Variants in SHANK2 observed in about 807,000 individuals in gnomAD.
The protein encoded by SHANK2 is SH3 and multiple ankyrin repeat domains protein 2.
Under a neutral mutation model 133.7 loss-of-function variants are expected in SHANK2, and 43 were observed. The observed-to-expected ratio is 0.32, with a 90% CI of 0.25 to 0.41. The LOEUF is 0.41. SHANK2 is among the 10% of genes least tolerant of loss of function. The pLI, the probability that SHANK2 is intolerant of heterozygous loss-of-function variation, is 1.00. For synonymous variants in SHANK2, 1,017 were observed against 952.8 expected (o/e 1.07, Z -1.24); for missense variants, 1,994 against 2,235.8 (o/e 0.89, Z 2.18).
At chr11:70,586,107 A>G (rs1399958358) in intron 17 of SHANK2, among the ~76,000 whole-genome samples, 4 of 152,150 alleles carry the variant, frequency 2.6e-5, no homozygotes, top group Non-Finnish European at 5.9e-5. Flanking sequence ...GGAGAATCGC[A>G]CAGGTGCCTG....
intron 14 of SHANK2, among the ~76,000 whole-genome samples, chr11:70,702,667 G>C (rs1241641969): frequency 6.6e-6 from 1 of 152,210 alleles, no homozygotes; most frequent in Admixed American, 6.5e-5. Context: ...CTACTGTCAA[G>C]TGTGGAATGC....
chr11:70,834,420 C>G (rs1555059452), intron 11 of SHANK2, among the ~76,000 whole-genome samples: 1 of 152,222 alleles, frequency 6.6e-6, no homozygotes, highest in African/African-American at 2.4e-5. Flanking sequence ...CCAAGCTCCA[C>G]TTTATCTTGC....
In SHANK2 at chr11:71,113,775, C is replaced by T. The variant is rs148331170; in HGVS notation, c.412-411G>A. On this transcript the variant is annotated intron_variant, in intron 4 of 25. Coordinates refer to ENST00000601538, the MANE Select transcript of SHANK2 (RefSeq NM_012309.5). ...CACCAGGTTTTTCTCCTACATTGTCCACCTTTGTTAAAACACACCCTAAAA... is the reference window on the plus strand; with the variant it reads ...CACCAGGTTTTTCTCCTACATTGTCTACCTTTGTTAAAACACACCCTAAAA... Among the ~76,000 whole-genome samples, 1,101 of 152,276 alleles carry T rather than the reference C, an allele frequency of 7.2e-3. 6 individuals carry two copies. The highest frequency in any genetic ancestry group is 0.041 in the Middle Eastern group (12 of 294).
chr11:70,616,692 G>C (rs1411356857), intron 17 of SHANK2, among the ~76,000 whole-genome samples: 1 of 152,170 alleles, frequency 6.6e-6, no homozygotes, highest in Non-Finnish European at 1.5e-5. Flanking sequence ...GGGATCTGAG[G>C]CCTCCGGAGG....
In SHANK2 at chr11:71,163,093, A is replaced by AAACATATATATATATATAT; in HGVS notation, c.-12-15756_-12-15755insATATATATATATATATGTT. On this transcript the variant is annotated intron_variant, in intron 2 of 25. Coordinates refer to ENST00000601538, the MANE Select transcript of SHANK2 (RefSeq NM_012309.5). ...GTCTAAAAAAAAAAAAAAAAAAAAAAATACATATATATATATATACAGAAT... is the reference window on the plus strand; with the variant it reads ...GTCTAAAAAAAAAAAAAAAAAAAAAAAACATATATATATATATATATACATATATATATATATACAGAAT... Among the ~76,000 whole-genome samples, 90 of 84,678 alleles carry AAACATATATATATATATAT rather than the reference A, an allele frequency of 1.1e-3. 8 individuals are homozygous for AAACATATATATATATATAT. Among genetic ancestry groups the AAACATATATATATATATAT allele is most frequent in the African/African-American group, 3.0e-3 (66 of 21,768 alleles). 55.6% of individuals were successfully genotyped at this position (84,678 alleles called of 152,430 possible).
At chr11:70,854,947 G>A (rs1488193656) in intron 11 of SHANK2, among the ~76,000 whole-genome samples, 2 of 152,188 alleles carry the variant, frequency 1.3e-5, no homozygotes, top group East Asian at 1.9e-4. Flanking sequence ...CAGAAATCCA[G>A]ATCACGGTTC....
chr11:71,142,599 G>T (rs1182329640), intron 3 of SHANK2, among the ~76,000 whole-genome samples: 1 of 152,076 alleles, frequency 6.6e-6, no homozygotes, highest in African/African-American at 2.4e-5. Context: ...TATGAACAAG[G>T]AAAATCCAGT....
intron 14 of SHANK2, among the ~76,000 whole-genome samples, chr11:70,749,834 A>C (rs971268352): frequency 9.2e-5 from 14 of 152,370 alleles, no homozygotes; most frequent in African/African-American, 3.4e-4. Context: ...CTGAAAAAAA[A>C]ATAGACAATG....
At chr11:70,940,881 T>C (rs1203292064) in intron 10 of SHANK2, among the ~76,000 whole-genome samples, 5 of 152,172 alleles carry the variant, frequency 3.3e-5, no homozygotes, top group African/African-American at 1.2e-4. Flanking sequence ...ACAGGGGTCA[T>C]GGGCACTTCC....
At chr11:71,135,948 G>A (rs1952431379) in intron 3 of SHANK2, among the ~76,000 whole-genome samples, 1 of 152,150 alleles carries the variant, frequency 6.6e-6, no homozygotes, top group Non-Finnish European at 1.5e-5. Flanking sequence ...TGAAGGCTGA[G>A]GGAACAACAC....
intron 17 of SHANK2, among the ~76,000 whole-genome samples, chr11:70,522,585 C>T (rs948587334): frequency 6.6e-6 from 1 of 152,238 alleles, no homozygotes; most frequent in African/African-American, 2.4e-5. Context: ...TCTCATCCTA[C>T]CCAGGGCCTC....
At chr11:70,757,149 C>T (rs1356783136) in intron 14 of SHANK2, among the ~76,000 whole-genome samples, 1 of 152,196 alleles carries the variant, frequency 6.6e-6, no homozygotes, top group Admixed American at 6.5e-5. Flanking sequence ...CTACTGAGCC[C>T]CTGCCCTGAG....
chr11:70,550,078 C>G (rs1591567445), intron 17 of SHANK2, among the ~76,000 whole-genome samples: 1 of 152,280 alleles, frequency 6.6e-6, no homozygotes, highest in Admixed American at 6.5e-5. Flanking sequence ...CCAAGAGCAG[C>G]TCAGGCCTAC....
At chr11:70,733,637 G>T (rs527347708) in intron 14 of SHANK2, among the ~76,000 whole-genome samples, 1 of 152,348 alleles carries the variant, frequency 6.6e-6, no homozygotes, top group East Asian at 1.9e-4. Flanking sequence ...GGCTCCAAAG[G>T]CTAAAATATT....
chr11:70,542,903 G>A (rs2059640565), intron 17 of SHANK2, among the ~76,000 whole-genome samples: 1 of 152,174 alleles, frequency 6.6e-6, no homozygotes, highest in South Asian at 2.1e-4. Flanking sequence ...TATCTCAAGG[G>A]CTGACTGTCC....
chr11:70,542,064 T>C (rs2059628960), intron 17 of SHANK2, among the ~76,000 whole-genome samples: 1 of 152,228 alleles, frequency 6.6e-6, no homozygotes, highest in Non-Finnish European at 1.5e-5. Flanking sequence ...GGGCAAATGC[T>C]GAGTGGCTGC....
Position 70,661,715 on chromosome 11 carries a change from T to C in SHANK2, c.1854-37A>G, listed in dbSNP as rs781899055. On this transcript the variant is annotated intron_variant, in intron 15 of 25. Coordinates refer to ENST00000601538, the MANE Select transcript of SHANK2 (RefSeq NM_012309.5). ...ATTCCGGGGACAGCGACCATTATTG[T>C]AGCCCGTCATCATCACCGCGGCCGC... 5.0e-6 allele frequency: 8 copies of C among 1,613,970 alleles called. No individual in the cohort carries two copies. In the Admixed American group the frequency reaches 8.3e-5, roughly 17 times the overall value.
intron 10 of SHANK2, among the ~76,000 whole-genome samples, chr11:70,930,205 C>T (rs564584224): frequency 6.6e-6 from 1 of 152,180 alleles, no homozygotes; most frequent in Non-Finnish European, 1.5e-5. Context: ...GGATGAGGAT[C>T]AGAAAGTCCT....
At chr11:70,621,649 C>G (rs1554997929) in intron 17 of SHANK2, among the ~76,000 whole-genome samples, 1 of 152,204 alleles carries the variant, frequency 6.6e-6, no homozygotes, top group Non-Finnish European at 1.5e-5. Flanking sequence ...GATGGGAGGT[C>G]TGATACGGTA....
Sources: gnomAD v4.1 joint callset for allele counts (sites outside exome capture counted in the v4.1 genomes callset) on GRCh38, gnomAD v4.1.1 for gene constraint, MANE v1.5 for transcripts, NCBI Gene and HGNC (gene_info 2026-07-23, HGNC 2026-07-21) for gene names.